The following ALDH1A3 variants were observed in gnomAD, a reference collection of about 807,000 sequenced individuals.
ALDH1A3 encodes the protein aldehyde dehydrogenase 1 family member A3, also known as retinaldehyde dehydrogenase 3.
A neutral mutation model predicts 57.5 loss-of-function variants in ALDH1A3; 28 were observed. That is an observed-to-expected ratio of 0.49 (90% CI 0.36 to 0.67). ALDH1A3 has a LOEUF of 0.67. Ranked by LOEUF, ALDH1A3 falls within the 30% of genes least tolerant of loss-of-function variation. The pLI is 0.00. For synonymous variants in ALDH1A3, 281 were observed against 264.8 expected, an observed-to-expected ratio of 1.06 and a Z score of -0.59; for missense variants, 507 against 669.4, an observed-to-expected ratio of 0.76 and a Z score of 2.68.
Position 100,908,416 on chromosome 15 carries a change from GC to G in ALDH1A3, c.1401del (p.Tyr468ThrfsTer22). On this transcript the variant is annotated frameshift_variant, in exon 12 of 13. Transcript: ENST00000329841. LOFTEE classifies it high-confidence loss of function. Reference sequence around the variant, plus strand: ...CTTCCATTCTTTTCTAGGATCAACTGCTACAACGCCCTCTATGCACAGGCTC... The same window carrying G: ...CTTCCATTCTTTTCTAGGATCAACTGTACAACGCCCTCTATGCACAGGCTC... The part of the protein sequence containing the change: ...ALESGTVWIN[C>X]YNALYAQAPF... 3 of 1,613,808 alleles carry G rather than the reference GC, an allele frequency of 1.9e-6. No homozygotes were observed. The highest frequency in any genetic ancestry group is 2.5e-6 in the Non-Finnish European group (3 of 1,179,724).
chr15:100,908,511 C>T (rs370199725), intron 12 of ALDH1A3, 29 bp downstream of exon 12: 17 of 1,579,284 alleles, frequency 1.1e-5, no homozygotes, highest in Admixed American at 5.0e-5. Flanking sequence ...CTGAGCCTGC[C>T]GTGGGCTGAA....
chr15:100,897,169 G>T (rs1256624898), intron 7 of ALDH1A3, among the ~76,000 whole-genome samples: 1 of 152,252 alleles, frequency 6.6e-6, no homozygotes, highest in Non-Finnish European at 1.5e-5. Context: ...ACACTGCCCT[G>T]TGGATGGATT....
chr15:100,902,737 G>A (rs1414125083), intron 9 of ALDH1A3, among the ~76,000 whole-genome samples: 1 of 152,232 alleles, frequency 6.6e-6, no homozygotes, highest in African/African-American at 2.4e-5. Context: ...TTCCTGTACT[G>A]TAAGGCACCA....
rs2041584499 is a variant in ALDH1A3, at chr15:100,885,310, A to G, written c.143A>G (p.Lys48Arg). The change falls in exon 2 of 13, where the codon AAG (lysine) becomes AGG (arginine). Residue 48 changes from lysine (K) to arginine (R), a missense_variant. By Grantham distance (26) the Lys-to-Arg change is conservative (BLOSUM62 2). Transcript: ENST00000329841. The stretch of plus-strand genomic sequence containing the variant: ...TGGCACGAATCCAAGAGTGGGAAAA[A>G]GTTTGCTACATGTAACCCTTCAACT... ...NEWHESKSGK[K>R]FATCNPSTRE... 1.2e-6 allele frequency: 2 copies of G among 1,613,956 alleles called. No homozygotes were observed. The highest frequency in any genetic ancestry group is 2.7e-5 in the African/African-American group (2 of 74,944).
intron 2 of ALDH1A3, among the ~76,000 whole-genome samples, chr15:100,886,239 C>T (rs1484641050): frequency 3.9e-5 from 6 of 152,188 alleles, no homozygotes; most frequent in Non-Finnish European, 8.8e-5. Flanking sequence ...CACCTCATGA[C>T]AGTTAGGCTC....
Position 100,900,706 on chromosome 15 carries a change from A to C in ALDH1A3, c.1015A>C (p.Lys339Gln). 1.2e-6 allele frequency: 2 copies of C among 1,614,118 alleles called. No individual in the cohort carries two copies. The highest frequency in any genetic ancestry group is 1.1e-5 in the South Asian group (1 of 91,074). The change falls in exon 9 of 13, where the codon AAG becomes CAG. Residue 339 changes from lysine (K) to glutamine (Q), a missense_variant. Lys to Gln is a moderately conservative substitution (Grantham distance 53). Transcript: ENST00000329841. ...EFVRRSVEYAKKRPVGDPFDV... is the reference protein window; with the variant it reads ...EFVRRSVEYAQKRPVGDPFDV... ...TGTCAGGCGGAGCGTGGAGTATGCC[A>C]AGAAACGGCCCGTGGGAGACCCCTT...
At chr15:100,900,894 T>A in intron 9 of ALDH1A3, 135 bp downstream of exon 9, 1 of 983,886 alleles carries the variant, frequency 1.0e-6, no homozygotes, top group Non-Finnish European at 1.5e-6. Flanking sequence ...TTTCTTTTCT[T>A]TAGAAACTGA....
intron 1 of ALDH1A3, among the ~76,000 whole-genome samples, chr15:100,883,612 A>G (rs76224439): frequency 0.017 from 2,566 of 150,258 alleles, 63 homozygotes; most frequent in African/African-American, 0.06. Flanking sequence ...GACTCAGACC[A>G]GGCTTCCTCA....
At position 100,914,743 on chromosome 15, in the gene ALDH1A3, C is replaced by T; in HGVS notation, c.1509C>T (p.Val503=). The change falls in exon 13 of 13, where the codon GTC becomes GTT. Residue 503 remains valine (V), a synonymous_variant. Transcript: ENST00000329841. ...CCGAATACACAGAAGTGAAAACTGT[C>T]ACCATCAAACTTGGCGACAAGAACC... The part of the protein sequence containing the change: ...ALAEYTEVKT[V]TIKLGDKNP 1 of 1,614,126 alleles carries T rather than the reference C, an allele frequency of 6.2e-7. No homozygotes were observed. Among genetic ancestry groups the T allele is most frequent in the South Asian group, 1.1e-5 (1 of 91,068 alleles).
intron 12 of ALDH1A3, among the ~76,000 whole-genome samples, chr15:100,912,694 C>G (rs1387156084): frequency 1.3e-5 from 2 of 152,114 alleles, no homozygotes; most frequent in African/African-American, 2.4e-5. Context: ...AGTAGGGGCT[C>G]TACATGATTA....
intron 1 of ALDH1A3, among the ~76,000 whole-genome samples, chr15:100,884,631 G>C (rs190097802): frequency 6.7e-6 from 1 of 149,848 alleles, no homozygotes; most frequent in Non-Finnish European, 1.5e-5. Flanking sequence ...TGCAGGATGT[G>C]CAGGTCTGTG....
In ALDH1A3 at chr15:100,885,203, T is replaced by C. The variant is rs985149047; in HGVS notation, c.100-64T>C. 17 of 1,179,376 alleles carry C rather than the reference T, an allele frequency of 1.4e-5. No homozygotes were observed. In the African/African-American group the frequency reaches 2.0e-4, roughly 14 times the overall value. The allele number at this position is 1,179,376 out of a possible 1,614,324, so 73.1% of individuals were successfully genotyped here. ...TGGATAAGACGTCACCTAAGGTCCT[T>C]AGCATGTTGAAATTATATGATTTTG... On this transcript the variant is annotated intron_variant, in intron 1 of 12. Transcript: ENST00000329841.
At chr15:100,899,285 T>C (rs1036991219) in intron 8 of ALDH1A3, among the ~76,000 whole-genome samples, 4 of 152,216 alleles carry the variant, frequency 2.6e-5, no homozygotes, top group Admixed American at 1.3e-4. Flanking sequence ...GGAGCATTTC[T>C]GGCACTGTGA....
chr15:100,897,561 C>T (rs1029283039), intron 7 of ALDH1A3, among the ~76,000 whole-genome samples: 10 of 151,746 alleles, frequency 6.6e-5, no homozygotes, highest in South Asian at 2.1e-4. Flanking sequence ...TCCAGAGAAT[C>T]GGCTCCTTCT....
intron 2 of ALDH1A3, among the ~76,000 whole-genome samples, chr15:100,886,765 C>T (rs566126612): frequency 6.6e-6 from 1 of 152,334 alleles, no homozygotes; most frequent in South Asian, 2.1e-4. Context: ...TATCAGTGCA[C>T]AAAAGATCCA....
At chr15:100,901,748 C>G (rs986855594) in intron 9 of ALDH1A3, among the ~76,000 whole-genome samples, 4 of 152,200 alleles carry the variant, frequency 2.6e-5, no homozygotes, top group African/African-American at 9.7e-5. Flanking sequence ...GACAGGTTCT[C>G]CAGTCTAGGT....
chr15:100,908,773 A>C (rs1035696920), intron 12 of ALDH1A3, among the ~76,000 whole-genome samples: 2 of 152,158 alleles, frequency 1.3e-5, no homozygotes, highest in Non-Finnish European at 2.9e-5. Flanking sequence ...AGCTCCCTGG[A>C]CGGGGACACA....
At chr15:100,902,502 G>A (rs116854582) in intron 9 of ALDH1A3, among the ~76,000 whole-genome samples, 2 of 152,190 alleles carry the variant, frequency 1.3e-5, no homozygotes, top group South Asian at 2.1e-4. Flanking sequence ...CCGGGTCCAC[G>A]GCCGGGCTAG....
chr15:100,885,187 C>T (rs1210771815), intron 1 of ALDH1A3, 80 bp from the exon 2 acceptor site: 6 of 975,082 alleles, frequency 6.2e-6, no homozygotes, highest in East Asian at 2.4e-5. Context: ...ATGGATAAGA[C>T]GTCACCTAAG....
Sources: allele counts gnomAD v4.1 joint callset (sites outside exome capture counted in the v4.1 genomes callset), GRCh38; gene constraint gnomAD v4.1.1; transcripts MANE v1.5; gene names NCBI Gene and HGNC (gene_info 2026-07-23, HGNC 2026-07-21).